The following NCAN variants were observed in gnomAD, a reference collection of about 807,000 sequenced individuals.
NCAN encodes neurocan core protein.
In NCAN, 47 loss-of-function variants were observed where a neutral mutation model predicts 121.8. The observed-to-expected ratio is 0.39, with a 90% CI of 0.31 to 0.49. The LOEUF is 0.49. Ranked by LOEUF, NCAN falls within the 20% of genes least tolerant of loss-of-function variation. NCAN has a pLI of 0.92. For missense variants in NCAN, 1,517 were observed against 1,773.4 expected, an observed-to-expected ratio of 0.86 and a Z score of 2.60; for synonymous variants, 633 against 702.0, an observed-to-expected ratio of 0.90 and a Z score of 1.55.
At chr19:19,231,168 C>G (rs1265572775) in intron 8 of NCAN, among the ~76,000 whole-genome samples, 1 of 151,984 alleles carries the variant, frequency 6.6e-6, no homozygotes, top group Non-Finnish European at 1.5e-5. Context: ...CTGGAGTTAT[C>G]TTGGTTAATC....
At chr19:19,235,702 G>A (rs1182819812) in intron 10 of NCAN, among the ~76,000 whole-genome samples, 6 of 148,152 alleles carry the variant, frequency 4.0e-5, no homozygotes, top group South Asian at 2.2e-4. Flanking sequence ...TCAGCCTCCC[G>A]AGTAGCTGGG....
chr19:19,214,727 G>GTGTGT (rs2060789796), intron 1 of NCAN, among the ~76,000 whole-genome samples: 1 of 141,150 alleles, frequency 7.1e-6, no homozygotes, highest in African/African-American at 2.6e-5. Context: ...CTGTTAACGG[G>GTGTGT]GTGTGTGTGT....
intron 3 of NCAN, among the ~76,000 whole-genome samples, chr19:19,221,731 T>A (rs932045147): frequency 1.6e-4 from 24 of 151,804 alleles, no homozygotes; most frequent in East Asian, 3.9e-4. Context: ...ACAAAATTTT[T>A]AAAAAAATAT....
Position 19,226,996 on chromosome 19 carries a change from TCA to T in NCAN, c.1586_1587del (p.Thr529ArgfsTer14), listed in dbSNP as rs1284322295. ...ATGGAGCCTCCGTTGGCCATGGCAG[TCA>T]CAGAGATGTTGGGCAGTGGCCAGAG... On this transcript the variant is annotated frameshift_variant, in exon 7 of 15. Coordinates refer to ENST00000252575, the MANE Select transcript of NCAN (RefSeq NM_004386.3). LOFTEE classifies it high-confidence loss of function. 1 of 1,532,628 alleles carries T rather than the reference TCA, an allele frequency of 6.5e-7. No individual in the cohort carries two copies. Among genetic ancestry groups the T allele is most frequent in the Admixed American group, 2.1e-5 (1 of 48,150 alleles). The allele number at this position is 1,532,628 out of a possible 1,614,324, so 94.9% of individuals were successfully genotyped here.
chr19:19,232,399 G>A (rs2146547463), intron 8 of NCAN, among the ~76,000 whole-genome samples: 1 of 152,372 alleles, frequency 6.6e-6, no homozygotes, highest in African/African-American at 2.4e-5. Context: ...CGGGGCTCAT[G>A]TGTCCCGCCG....
At chr19:19,249,640 G>A (rs1898817076) in intron 14 of NCAN, 126 bp from the exon 15 acceptor site, 1 of 1,409,604 alleles carries the variant, frequency 7.1e-7, no homozygotes, top group Non-Finnish European at 9.5e-7. Flanking sequence ...GTGCTGGGAT[G>A]ACAGGGATGA....
Position 19,219,252 on chromosome 19 carries a change from G to A in NCAN, c.411G>A (p.Leu137=), listed in dbSNP as rs138887016. 2.2e-4 allele frequency: 349 copies of A among 1,601,234 alleles called. No individual in the cohort carries two copies. Among genetic ancestry groups the A allele is most frequent in the Non-Finnish European group, 2.6e-4 (307 of 1,177,688 alleles). ...CACTGAGGGCCAGTGACTCTGGGCT[G>A]TACCGCTGCCAGGTGGTGAGGGGCA... The part of the protein sequence containing the change: ...LGPLRASDSG[L]YRCQVVRGIE... The change falls in exon 3 of 15, where the codon CTG becomes CTA. Residue 137 remains leucine (L), a synonymous_variant. Transcript: ENST00000252575.
intron 13 of NCAN, among the ~76,000 whole-genome samples, chr19:19,245,665 A>G (rs1291169634): frequency 1.3e-5 from 2 of 151,932 alleles, no homozygotes; most frequent in African/African-American, 2.4e-5. Context: ...TTTTGTAGAG[A>G]TGGGGTCTTG....
intron 12 of NCAN, 132 bp downstream of exon 12, chr19:19,240,817 T>A (rs1599821804): frequency 3.5e-6 from 3 of 864,390 alleles, no homozygotes; most frequent in Non-Finnish European, 5.6e-6. Flanking sequence ...GATGCTGGAG[T>A]TGGCAAAGGA....
At chr19:19,231,587 C>T (rs548939274) in intron 8 of NCAN, among the ~76,000 whole-genome samples, 121 of 152,106 alleles carry the variant, frequency 8.0e-4, no homozygotes, top group African/African-American at 2.8e-3. Context: ...CTCAGCCTCC[C>T]GAAGTGCTGG....
intron 12 of NCAN, among the ~76,000 whole-genome samples, chr19:19,242,559 C>G (rs987957439): frequency 2.6e-5 from 4 of 151,448 alleles, no homozygotes; most frequent in African/African-American, 9.7e-5. Context: ...TGTGATGGCA[C>G]ATGCCTGTAG....
rs1313798481 is a variant in NCAN at position 19,227,774 on chromosome 19, A to G, written c.2154A>G (p.Lys718=). The G allele has an allele frequency of 1.2e-6, 2 of 1,613,688 alleles. No individual in the cohort carries two copies. The highest frequency in any genetic ancestry group is 1.7e-6 in the Non-Finnish European group (2 of 1,179,994). ...TGETSPAQVN[K]AEHSSSSPWP... is the part of the protein sequence containing the mutation. Reference sequence around the variant, plus strand: ...AGACCAGCCCTGCTCAGGTCAACAAAGCTGAGCACTCCAGCTCCAGCCCAT... The same window carrying G: ...AGACCAGCCCTGCTCAGGTCAACAAGGCTGAGCACTCCAGCTCCAGCCCAT... The change falls in exon 8 of 15, where the codon AAA becomes AAG. Residue 718 remains lysine (K), a synonymous_variant. Coordinates refer to ENST00000252575, the MANE Select transcript of NCAN (RefSeq NM_004386.3). The surrounding 1 kb of genome is among the most constrained non-coding windows in gnomAD (Gnocchi z 4.2).
In NCAN at chr19:19,219,342, G is replaced by A. The variant is rs746592921; in HGVS notation, c.475+26G>A. On this transcript the variant is annotated intron_variant, in intron 3 of 14. Coordinates refer to ENST00000252575, the MANE Select transcript of NCAN (RefSeq NM_004386.3). ...GTCAGTTGGGGGCAAAGGAGGGGCCGGGGGCCGGGGAGAGGGAGGGCTGAG... is the reference window on the plus strand; with the variant it reads ...GTCAGTTGGGGGCAAAGGAGGGGCCAGGGGCCGGGGAGAGGGAGGGCTGAG... 9.1e-5 allele frequency: 134 copies of A among 1,470,380 alleles called. No individual in the cohort carries two copies. The Admixed American group carries it at 2.9e-3, about 32-fold the overall frequency. The allele number at this position is 1,470,380 out of a possible 1,614,324, so 91.1% of individuals were successfully genotyped here.
chr19:19,250,188 G>A lies in NCAN; in HGVS notation c.*277G>A, dbSNP rs528569445. The A allele has an allele frequency of 4.9e-6, 3 of 613,352 alleles. No homozygotes were observed. Among genetic ancestry groups the A allele is most frequent in the African/African-American group, 3.6e-5 (2 of 55,530 alleles). 38.0% of individuals were successfully genotyped at this position (613,352 alleles called of 1,614,324 possible). ...AGCTGAGGGAAGCACAAGTAGCAAA[G>A]CTCATTGGTCTGGTCTCTTGTTTGC... is the stretch of plus-strand genomic sequence containing the variant. On this transcript the variant is annotated 3_prime_UTR_variant, in exon 15 of 15. Transcript: ENST00000252575.
Position 19,225,150 on chromosome 19 carries a change from A to T in NCAN, c.952A>T (p.Ile318Phe). The change falls in exon 6 of 15, where the codon ATC (isoleucine) becomes TTC (phenylalanine). Residue 318 changes from isoleucine (I) to phenylalanine (F), a missense_variant. Coordinates refer to ENST00000252575, the MANE Select transcript of NCAN (RefSeq NM_004386.3). This position sits in a 1 kb window ranked among gnomAD's most constrained non-coding sequence, Gnocchi z 4.0. ...GGCCGACGGCAGCGTGCGCTACCCG[A>T]TCCAGACGCCGCGCCGGCGCTGCGG... The part of the protein sequence containing the change: ...WLADGSVRYP[I>F]QTPRRRCGGP... 6.5e-6 allele frequency: 10 copies of T among 1,531,032 alleles called. No individual in the cohort carries two copies. Among genetic ancestry groups the T allele is most frequent in the Non-Finnish European group, 8.7e-6 (10 of 1,148,946 alleles). The allele number at this position is 1,531,032 out of a possible 1,614,324, so 94.8% of individuals were successfully genotyped here.
rs200666942 is a variant in NCAN at position 19,226,902 on chromosome 19, G to A, written c.1489G>A (p.Glu497Lys). The A allele has an allele frequency of 8.7e-6, 14 of 1,607,338 alleles. No homozygotes were observed. In the Middle Eastern group the frequency reaches 1.3e-3, roughly 153 times the overall value. ...NGRYFQQQEPEPGLQGGMEAS... is the reference protein window; with the variant it reads ...NGRYFQQQEPKPGLQGGMEAS... ...GCGCTACTTCCAGCAGCAGGAACCGGAGCCGGGGCTGCAAGGGGGGATGGA... is the reference window on the plus strand; with the variant it reads ...GCGCTACTTCCAGCAGCAGGAACCGAAGCCGGGGCTGCAAGGGGGGATGGA... Residue 497 changes from glutamate to lysine, a missense_variant, in exon 7 of 15, where the codon GAG becomes AAG. Physicochemically the swap from Glu to Lys is moderately conservative, Grantham distance 56. Coordinates refer to ENST00000252575, the MANE Select transcript of NCAN (RefSeq NM_004386.3).
At chr19:19,222,002 C>G (rs1376027154) in intron 3 of NCAN, among the ~76,000 whole-genome samples, 1 of 152,092 alleles carries the variant, frequency 6.6e-6, no homozygotes, top group Non-Finnish European at 1.5e-5. Flanking sequence ...GCAAACATCC[C>G]GTGGACTCCT....
chr19:19,227,983 A>C lies in NCAN; in HGVS notation c.2363A>C (p.Lys788Thr). ...VQDPWPSVYSKGLDASSPSAP... is the reference protein window; with the variant it reads ...VQDPWPSVYSTGLDASSPSAP... ...GACCCCTGGCCCTCAGTGTACAGCA[A>C]AGGGCTGGATGCAAGTTCCCCATCT... The change falls in exon 8 of 15, where the codon AAA becomes ACA. Residue 788 changes from lysine to threonine, a missense_variant. Coordinates refer to ENST00000252575, the MANE Select transcript of NCAN (RefSeq NM_004386.3). The surrounding 1 kb of genome is among the most constrained non-coding windows in gnomAD (Gnocchi z 4.2). 6.2e-7 allele frequency: 1 copy of C among 1,613,338 alleles called. No homozygotes were observed. The highest frequency in any genetic ancestry group is 8.5e-7 in the Non-Finnish European group (1 of 1,179,960).
rs774550432 is a variant in NCAN at position 19,224,080 on chromosome 19, C to G, written c.535C>G (p.Gln179Glu). The change falls in exon 4 of 15, where the codon CAG (glutamine) becomes GAG (glutamate). Residue 179 changes from glutamine (Q) to glutamate (E), a missense_variant. Transcript: ENST00000252575. ...CTATGCACTGACCTTCGCTGAGGCCCAGGAGGCCTGCCGTCTCAGCTCAGC... is the reference window on the plus strand; with the variant it reads ...CTATGCACTGACCTTCGCTGAGGCCGAGGAGGCCTGCCGTCTCAGCTCAGC... ...DRYALTFAEA[Q>E]EACRLSSAII... is the part of the protein sequence containing the mutation. The G allele has an allele frequency of 1.4e-5, 22 of 1,603,504 alleles. No individual in the cohort carries two copies. The South Asian group carries it at 2.1e-4, about 15-fold the overall frequency.
Sources: allele counts gnomAD v4.1 joint callset (sites outside exome capture counted in the v4.1 genomes callset), GRCh38; gene constraint gnomAD v4.1.1; non-coding constraint Gnocchi (gnomAD v3.1); transcripts MANE v1.5; gene names NCBI Gene and HGNC (gene_info 2026-07-23, HGNC 2026-07-21).